CSNK1D: variants seen among roughly 807,000 people sequenced by gnomAD.
CSNK1D encodes casein kinase I isoform delta.
In CSNK1D, 16 loss-of-function variants were observed where a neutral mutation model predicts 46.6. That is an observed-to-expected ratio of 0.34 (90% CI 0.23 to 0.52). The LOEUF (loss-of-function observed/expected upper bound fraction) is 0.52. Ranked by LOEUF, CSNK1D falls within the 20% of genes least tolerant of loss-of-function variation. The probability of loss-of-function intolerance (pLI) is 0.95; values close to 1 mark genes in which losing one functional copy is unlikely to be tolerated. For synonymous variants in CSNK1D, 276 were observed against 228.2 expected, an observed-to-expected ratio of 1.21 and a Z score of -1.89; for missense variants, 398 against 578.4, an observed-to-expected ratio of 0.69 and a Z score of 3.20.
chr17:82,253,006 A>G lies in CSNK1D; in HGVS notation c.565+10T>C. 6.2e-7 allele frequency: 1 copy of G among 1,612,146 alleles called. No homozygotes were observed. Among genetic ancestry groups the G allele is most frequent in the Non-Finnish European group, 8.5e-7 (1 of 1,178,356 alleles). On this transcript the variant is annotated intron_variant, in intron 4 of 8. Transcript: ENST00000314028. Reference sequence around the variant, plus strand: ...ACCCCAGGTCAGTGACCCCATGCCCAGGGGCTCACCAATTCCAAGGTGCGT... The same window carrying G: ...ACCCCAGGTCAGTGACCCCATGCCCGGGGGCTCACCAATTCCAAGGTGCGT...
At chr17:82,253,871 G>A (rs1414991568) in intron 3 of CSNK1D, 124 of 253,508 alleles carry the variant, frequency 4.9e-4, no homozygotes, top group African/African-American at 2.8e-3. Flanking sequence ...CTGAGCCGCC[G>A]GAGCCTCGTG....
chr17:82,239,147 A>G (rs1804955), downstream of CSNK1D: 5 of 627,698 alleles, frequency 8.0e-6, no homozygotes, highest in Non-Finnish European at 1.3e-5. Context: ...CGGGGTGGGA[A>G]CCGTGTCATT....
intron 2 of CSNK1D, among the ~76,000 whole-genome samples, chr17:82,256,267 T>G (rs545703578): frequency 6.6e-6 from 1 of 152,182 alleles, no homozygotes; most frequent in African/African-American, 2.4e-5. Flanking sequence ...TCCTAGCACT[T>G]TGGGAGGCTG....
At chr17:82,253,509 A>G (rs973057526) in intron 3 of CSNK1D, 1 of 476,690 alleles carries the variant, frequency 2.1e-6, no homozygotes, top group East Asian at 4.3e-5. Flanking sequence ...CAGAGAGGGG[A>G]CAACCCGCCA....
downstream of CSNK1D, chr17:82,239,511 T>G (rs1480367631): frequency 1.7e-5 from 3 of 171,684 alleles, no homozygotes; most frequent in African/African-American, 7.1e-5. Flanking sequence ...GTGGTTTTGC[T>G]GTGTGGCCTG....
At chr17:82,270,936 G>A (rs1682127081) in intron 1 of CSNK1D, among the ~76,000 whole-genome samples, 1 of 152,202 alleles carries the variant, frequency 6.6e-6, no homozygotes, top group South Asian at 2.1e-4. Flanking sequence ...AGAATGCTGA[G>A]TGAGGAGACA....
intron 8 of CSNK1D, chr17:82,246,632 G>A (rs1045845191): frequency 3.0e-6 from 3 of 1,005,352 alleles, no homozygotes; most frequent in Admixed American, 1.0e-4. Flanking sequence ...CGGAGTCCGG[G>A]CTGGGGCGGG....
intron 2 of CSNK1D, among the ~76,000 whole-genome samples, chr17:82,256,822 C>G (rs960841132): frequency 6.6e-6 from 1 of 152,132 alleles, no homozygotes; most frequent in Non-Finnish European, 1.5e-5. Flanking sequence ...CGCAACTATA[C>G]ACATGGCTCT....
rs561545975 is a variant in CSNK1D at position 82,246,808 on chromosome 17, G to A, written c.1198-1977C>T. ...TGAGAGGAGCAGAAAGAACAGGGAA[G>A]AGCGACGGCCCGAGGAGGAAGACTG... On this transcript the variant is annotated intron_variant, in intron 8 of 8. Transcript: ENST00000314028. 3 of 986,962 alleles carry A rather than the reference G, an allele frequency of 3.0e-6. No homozygotes were observed. The African/African-American group carries it at 5.2e-5, about 17-fold the overall frequency. The allele number at this position is 986,962 out of a possible 1,614,324, so 61.1% of individuals were successfully genotyped here.
chr17:82,260,040 TGTGACTGATGGTGTACTGACTG>T (rs2051285646), intron 2 of CSNK1D, among the ~76,000 whole-genome samples: 1 of 129,372 alleles, frequency 7.7e-6, no homozygotes, highest in African/African-American at 4.4e-5. Context: ...TACTGACTGA[TGTGACTGATGGTGTACTGACTG>T]ATGTGACTGA....
chr17:82,243,812 A>C lies in CSNK1D; in HGVS notation c.*969T>G. On this transcript the variant is annotated 3_prime_UTR_variant, in exon 9 of 9. Transcript: ENST00000314028. ...CTGAGTGCAAAGGCAGCAAGGCAAC[A>C]AACACTACAGTAACCACCTCTCGGT... 2 of 985,486 alleles carry C rather than the reference A, an allele frequency of 2.0e-6. No individual in the cohort carries two copies. Among genetic ancestry groups the C allele is most frequent in the Non-Finnish European group, 2.4e-6 (2 of 829,972 alleles). 61.0% of individuals were successfully genotyped at this position (985,486 alleles called of 1,614,324 possible).
chr17:82,270,696 C>A (rs1002926357), intron 1 of CSNK1D, among the ~76,000 whole-genome samples: 18 of 152,164 alleles, frequency 1.2e-4, no homozygotes, highest in African/African-American at 3.9e-4. Flanking sequence ...CGCCTTTCCT[C>A]CGTGGGGTCG....
chr17:82,256,333 A>G (rs2147187409), intron 2 of CSNK1D, among the ~76,000 whole-genome samples: 1 of 152,226 alleles, frequency 6.6e-6, no homozygotes. Context: ...TAACAAAGGG[A>G]GACCCTTGTC....
At position 82,251,797 on chromosome 17, in the gene CSNK1D, T is replaced by C. The variant is rs947846666; in HGVS notation, c.737-270A>G. On this transcript the variant is annotated intron_variant, in intron 5 of 8. Coordinates refer to ENST00000314028, the MANE Select transcript of CSNK1D (RefSeq NM_001893.6). The surrounding 1 kb of genome is among the most constrained non-coding windows in gnomAD (Gnocchi z 4.5). ...CGAGGTCAGGAGATCAAGACCATCC[T>C]GGCTAACACAGTGAAACCCCATCTC... 1.3e-4 allele frequency: 57 copies of C among 442,092 alleles called. No homozygotes were observed. In the Admixed American group the frequency reaches 1.9e-3, roughly 15 times the overall value. 27.4% of individuals were successfully genotyped at this position (442,092 alleles called of 1,614,324 possible).
In CSNK1D at chr17:82,251,442, C is replaced by T; in HGVS notation, c.822G>A (p.Arg274=). The change falls in exon 6 of 9, where the codon CGG becomes CGA. Residue 274 remains arginine (R), a synonymous_variant. Coordinates refer to ENST00000314028, the MANE Select transcript of CSNK1D (RefSeq NM_001893.6). This position sits in a 1 kb window ranked among gnomAD's most constrained non-coding sequence, Gnocchi z 4.5. The part of the protein sequence containing the change: ...PDYSYLRQLF[R]NLFHRQGFSY... Reference sequence around the variant, plus strand: ...AGAAGCCCTGGCGATGGAACAGATTCCGGAAAAGCTGCCGCAGGTACGAGT... The same window carrying T: ...AGAAGCCCTGGCGATGGAACAGATTTCGGAAAAGCTGCCGCAGGTACGAGT... 6.2e-7 allele frequency: 1 copy of T among 1,614,152 alleles called. No homozygotes were observed. Among genetic ancestry groups the T allele is most frequent in the East Asian group, 2.2e-5 (1 of 44,884 alleles).
rs1430123294 is a variant in CSNK1D at position 82,273,157 on chromosome 17, T to G, written c.76+149A>C. On this transcript the variant is annotated intron_variant, in intron 1 of 8. Coordinates refer to ENST00000314028, the MANE Select transcript of CSNK1D (RefSeq NM_001893.6). This position sits in a 1 kb window ranked among gnomAD's most constrained non-coding sequence, Gnocchi z 5.1. ...CCCACCCCTGGCCGCGCTAGCCTAG[T>G]GGCCGTTGGGTTCTGGCCACGATCC... The G allele has an allele frequency of 2.6e-6, 2 of 766,206 alleles. No individual in the cohort carries two copies. The highest frequency in any genetic ancestry group is 5.8e-5 in the East Asian group (2 of 34,658). 47.5% of individuals were successfully genotyped at this position (766,206 alleles called of 1,614,324 possible). A position where few individuals can be genotyped will look rare whatever the true frequency, so the allele number is the denominator to read the frequency against.
intron 2 of CSNK1D, among the ~76,000 whole-genome samples, chr17:82,262,005 C>T (rs1186034706): frequency 2.0e-5 from 3 of 152,216 alleles, no homozygotes; most frequent in Non-Finnish European, 4.4e-5. Flanking sequence ...GCTAAGGCTG[C>T]TTTTGGGGGA....
In CSNK1D at chr17:82,252,534, G is replaced by T; in HGVS notation, c.636C>A (p.Pro212=). Residue 212 remains proline, a synonymous_variant, in exon 5 of 9, where the codon CCC becomes CCA. Transcript: ENST00000314028. The surrounding 1 kb of genome is among the most constrained non-coding windows in gnomAD (Gnocchi z 4.6). Reference sequence around the variant, plus strand: ...TGGTGGCAGCCTTCAGCCCCTGCCAGGGGAGAGAGCCCAGGTTGAAGTACA... The same window carrying T: ...TGGTGGCAGCCTTCAGCCCCTGCCATGGGAGAGAGCCCAGGTTGAAGTACA... ...VLMYFNLGSL[P]WQGLKAATKR... 1 of 1,614,088 alleles carries T rather than the reference G, an allele frequency of 6.2e-7. No homozygotes were observed. Among genetic ancestry groups the T allele is most frequent in the Admixed American group, 1.7e-5 (1 of 60,030 alleles).
In CSNK1D at chr17:82,251,700, T is replaced by G; in HGVS notation, c.737-173A>C. On this transcript the variant is annotated intron_variant, in intron 5 of 8. Coordinates refer to ENST00000314028, the MANE Select transcript of CSNK1D (RefSeq NM_001893.6). The surrounding 1 kb of genome is among the most constrained non-coding windows in gnomAD (Gnocchi z 4.5). ...GCCTTGAGAAAGCATCGAAAAGTAT[T>G]CAAGTCACGGCCGGGTGCGGCGGCT... 1.3e-6 allele frequency: 1 copy of G among 766,890 alleles called. No individual in the cohort carries two copies. Among genetic ancestry groups the G allele is most frequent in the South Asian group, 1.5e-5 (1 of 67,690 alleles). 47.5% of individuals were successfully genotyped at this position (766,890 alleles called of 1,614,324 possible). A position where few individuals can be genotyped will look rare whatever the true frequency, so the allele number is the denominator to read the frequency against.
Sources: allele counts gnomAD v4.1 joint callset (sites outside exome capture counted in the v4.1 genomes callset), GRCh38; gene constraint gnomAD v4.1.1; non-coding constraint Gnocchi (gnomAD v3.1); transcripts MANE v1.5; gene names NCBI Gene and HGNC (gene_info 2026-07-23, HGNC 2026-07-21).